The following MYH10 variants were observed in gnomAD, a reference collection of about 807,000 sequenced individuals.
MYH10 encodes the protein myosin-10.
Under a neutral mutation model 257.8 loss-of-function variants are expected in MYH10, and 55 were observed. The observed-to-expected ratio is 0.21, with a 90% CI of 0.17 to 0.27. The LOEUF (loss-of-function observed/expected upper bound fraction) is 0.27, where lower values mean the gene tolerates loss of function less well. Among genes scored for constraint, MYH10 ranks in the 10% least tolerant of loss-of-function variants. The pLI, the probability that MYH10 is intolerant of heterozygous loss-of-function variation, is 1.00. For missense variants in MYH10, 1,631 were observed against 2,500.6 expected, an observed-to-expected ratio of 0.65 and a Z score of 7.42; for synonymous variants, 854 against 921.7, an observed-to-expected ratio of 0.93 and a Z score of 1.33.
rs570657227 is a variant in MYH10 at position 8,601,304 on chromosome 17, G to A, written c.502+3522C>T. ...CTCCTAGGTGACCTCAGATGATTAT[G>A]TGCAAGGTAGAGGCCTCGGTGTTCC... On this transcript the variant is annotated intron_variant, in intron 3 of 42. Transcript: ENST00000360416. Among the ~76,000 whole-genome samples, 3 of 152,332 alleles carry A rather than the reference G, an allele frequency of 2.0e-5. No individual in the cohort carries two copies. The East Asian group carries it at 5.8e-4, about 29-fold the overall frequency.
At chr17:8,509,608 A>G (rs944209986) in intron 25 of MYH10, among the ~76,000 whole-genome samples, 25 of 152,216 alleles carry the variant, frequency 1.6e-4, no homozygotes, top group African/African-American at 5.8e-4. Context: ...GATTATCAGG[A>G]TATTTGATAA....
chr17:8,546,692 C>T, intron 11 of MYH10, 30 bp from the exon 12 acceptor site: 1 of 1,536,976 alleles, frequency 6.5e-7, no homozygotes, highest in Non-Finnish European at 9.0e-7. Context: ...CTAAATCCTA[C>T]ATTTTTTACT....
intron 36 of MYH10, among the ~76,000 whole-genome samples, chr17:8,486,625 C>G (rs1160426488): frequency 6.7e-6 from 1 of 148,856 alleles, no homozygotes; most frequent in Non-Finnish European, 1.5e-5. Context: ...ATGACTTTCC[C>G]TCCAAACTTT....
chr17:8,532,248 C>T (rs1298379236), intron 16 of MYH10, among the ~76,000 whole-genome samples: 1 of 152,166 alleles, frequency 6.6e-6, no homozygotes, highest in African/African-American at 2.4e-5. Context: ...CTTATTTTGA[C>T]AAGAATGGCC....
chr17:8,518,126 T>A (rs2081532977), intron 21 of MYH10, among the ~76,000 whole-genome samples: 1 of 150,708 alleles, frequency 6.6e-6, no homozygotes, highest in Admixed American at 6.6e-5. Context: ...TGTGTGTGTG[T>A]GTGTGTGTGT....
intron 3 of MYH10, 109 bp from the exon 4 acceptor site, chr17:8,589,217 A>G: frequency 9.0e-7 from 1 of 1,114,204 alleles, no homozygotes; most frequent in East Asian, 2.5e-5. Flanking sequence ...ATTAGTAACT[A>G]CTCCTCTCGA....
Position 8,493,812 on chromosome 17 carries a change from T to A in MYH10, c.4130A>T (p.Asn1377Ile). ...CTCCTCCTGCTGCTCCTGAAGACTG[T>A]TCTTCTCCTCTTCCAGCTGCCGGAT... ...SRIRQLEEEK[N>I]SLQEQQEEEE... Residue 1377 changes from asparagine to isoleucine, a missense_variant, in exon 32 of 43, where the codon AAC becomes ATC. This residue lies in a region of MYH10 where 463 missense variants were observed against 621.8 expected (regional missense o/e 0.74). Coordinates refer to ENST00000360416, the MANE Select transcript of MYH10 (RefSeq NM_001256012.3). 6.2e-7 allele frequency: 1 copy of A among 1,614,030 alleles called. No homozygotes were observed. Among genetic ancestry groups the A allele is most frequent in the Non-Finnish European group, 8.5e-7 (1 of 1,179,950 alleles).
chr17:8,508,736 G>A (rs1293580271), intron 25 of MYH10, 59 bp from the exon 26 acceptor site: 138 of 1,598,500 alleles, frequency 8.6e-5, no homozygotes, highest in Non-Finnish European at 1.1e-4. Flanking sequence ...CTTGGGTTCT[G>A]TATTCCTCAT....
chr17:8,590,100 G>T (rs1156965997), intron 3 of MYH10, among the ~76,000 whole-genome samples: 1 of 152,136 alleles, frequency 6.6e-6, no homozygotes, highest in Non-Finnish European at 1.5e-5. Flanking sequence ...GCTATGCTGT[G>T]CTTTCTTTTC....
chr17:8,511,965 A>G (rs2081311704), intron 24 of MYH10, among the ~76,000 whole-genome samples: 1 of 152,234 alleles, frequency 6.6e-6, no homozygotes, highest in Admixed American at 6.5e-5. Flanking sequence ...CCTCATGAGT[A>G]CAGCCTGTAT....
intron 37 of MYH10, among the ~76,000 whole-genome samples, chr17:8,481,749 C>T (rs1286377215): frequency 6.6e-6 from 1 of 152,132 alleles, no homozygotes; most frequent in Non-Finnish European, 1.5e-5. Flanking sequence ...TTATATAAAC[C>T]CTGAACCCTA....
chr17:8,556,723 C>T (rs1032107326), intron 7 of MYH10, among the ~76,000 whole-genome samples: 44 of 152,180 alleles, frequency 2.9e-4, no homozygotes, highest in African/African-American at 9.9e-4. Flanking sequence ...TTTATCTAAA[C>T]GCACTGAACT....
chr17:8,485,452 G>C (rs1914595739), intron 36 of MYH10, among the ~76,000 whole-genome samples: 1 of 140,850 alleles, frequency 7.1e-6, no homozygotes, highest in South Asian at 2.2e-4. Context: ...CAAAACCCAA[G>C]CTGGCTTTTT....
intron 17 of MYH10, among the ~76,000 whole-genome samples, chr17:8,523,382 AGAGT>A (rs1428212860): frequency 6.6e-6 from 1 of 152,280 alleles, no homozygotes; most frequent in East Asian, 1.9e-4. Context: ...GTAATTAAAA[AGAGT>A]GAGAAATGCA....
rs2083269609 is a variant in MYH10, at chr17:8,569,474, A to T, written c.756+246T>A. Among the ~76,000 whole-genome samples, 2 of 152,212 alleles carry T rather than the reference A, an allele frequency of 1.3e-5. No individual in the cohort carries two copies. Among genetic ancestry groups the T allele is most frequent in the South Asian group, 4.1e-4 (2 of 4,834 alleles). ...CAGAGAGGTTAAATTACATATCCAT[A>T]AAATAAGACAGAGTTATACATTTCT... is the stretch of plus-strand genomic sequence containing the variant. On this transcript the variant is annotated intron_variant, in intron 7 of 42. Coordinates refer to ENST00000360416, the MANE Select transcript of MYH10 (RefSeq NM_001256012.3). This position sits in a 1 kb window ranked among gnomAD's most constrained non-coding sequence, Gnocchi z 4.1.
At chr17:8,510,371 C>T (rs1251632587) in intron 24 of MYH10, among the ~76,000 whole-genome samples, 1 of 152,116 alleles carries the variant, frequency 6.6e-6, no homozygotes, top group African/African-American at 2.4e-5. Context: ...GTGAAATAGA[C>T]ATTTGTATCC....
At chr17:8,481,548 A>AT in intron 37 of MYH10, 138 bp from the exon 38 acceptor site, 1 of 748,904 alleles carries the variant, frequency 1.3e-6, no homozygotes, top group Non-Finnish European at 2.1e-6. Context: ...GATTTGAGAA[A>AT]TTAAACTGTC....
chr17:8,492,408 G>T lies in MYH10; in HGVS notation c.4560C>A (p.Ala1520=). ...REKETKALSL[A]RALEEALEAK... ...CCTCCAGGGCTTCCTCGAGGGCCCGGGCCAGTGACAGGGCTTTGGTTTCTT... is the reference window on the plus strand; with the variant it reads ...CCTCCAGGGCTTCCTCGAGGGCCCGTGCCAGTGACAGGGCTTTGGTTTCTT... The change falls in exon 34 of 43, where the codon GCC becomes GCA. Residue 1520 remains alanine (A), a synonymous_variant. Coordinates refer to ENST00000360416, the MANE Select transcript of MYH10 (RefSeq NM_001256012.3). 6.2e-7 allele frequency: 1 copy of T among 1,613,480 alleles called. No homozygotes were observed. Among genetic ancestry groups the T allele is most frequent in the East Asian group, 2.2e-5 (1 of 44,872 alleles).
At chr17:8,561,962 G>A (rs753972531) in intron 7 of MYH10, among the ~76,000 whole-genome samples, 88 of 152,292 alleles carry the variant, frequency 5.8e-4, no homozygotes, top group Middle Eastern at 3.4e-3. Context: ...GTGGAAGGAG[G>A]CAAAAGAGAA....
Sources: gnomAD v4.1 joint callset for allele counts (sites outside exome capture counted in the v4.1 genomes callset) on GRCh38, gnomAD v4.1.1 for gene constraint, gnomAD v4.1.1 regional missense constraint, Gnocchi (gnomAD v3.1) non-coding constraint, MANE v1.5 for transcripts, NCBI Gene and HGNC (gene_info 2026-07-23, HGNC 2026-07-21) for gene names.